The following RASEF variants were observed in gnomAD, a reference collection of about 807,000 sequenced individuals.
RASEF encodes the protein ras and EF-hand domain-containing protein.
A neutral mutation model predicts 90.1 loss-of-function variants in RASEF; 68 were observed. That is an observed-to-expected ratio of 0.75 (90% CI 0.62 to 0.92). The LOEUF is 0.92. Ranked by LOEUF, RASEF falls within the 40% of genes least tolerant of loss-of-function variation. RASEF has a pLI of 0.00. For missense variants in RASEF, 949 were observed against 937.2 expected (o/e 1.01, Z -0.16); for synonymous variants, 331 against 345.2 (o/e 0.96, Z 0.46).
At chr9:83,018,173 G>T (rs1402552687) in intron 3 of RASEF, among the ~76,000 whole-genome samples, 2 of 151,668 alleles carry the variant, frequency 1.3e-5, no homozygotes, top group Non-Finnish European at 2.9e-5. Context: ...ATTCAAATTG[G>T]AAAGAAAAAT....
At chr9:83,048,542 G>T in intron 1 of RASEF, 1 of 984,744 alleles carries the variant, frequency 1.0e-6, no homozygotes, top group African/African-American at 1.7e-5. Context: ...AAAAAAAAAA[G>T]TTTAAGTGAA....
the RASEF span, among the ~76,000 whole-genome samples, chr9:83,107,667 C>T: frequency 6.6e-6 from 1 of 152,182 alleles, no homozygotes; most frequent in African/African-American, 2.4e-5. Flanking sequence ...CAGTCCTGGA[C>T]ACTGTTACTG....
chr9:83,063,169 C>T (rs529812269), upstream of RASEF: 333 of 375,808 alleles, frequency 8.9e-4, 1 homozygote, highest in African/African-American at 6.4e-3. Flanking sequence ...AGGTGGCTCT[C>T]GCCACTTTCC....
the RASEF span, among the ~76,000 whole-genome samples, chr9:83,196,694 T>C: frequency 1.3e-5 from 2 of 152,210 alleles, no homozygotes; most frequent in Admixed American, 6.5e-5. Flanking sequence ...GCTATTTTAA[T>C]CTCTCCTTGT....
the RASEF span, among the ~76,000 whole-genome samples, chr9:83,175,823 G>A: frequency 2.0e-4 from 30 of 152,070 alleles, no homozygotes; most frequent in Admixed American, 1.4e-3. Context: ...CTTGTGATCC[G>A]CCTGCCTCAG....
chr9:83,121,007 T>C, the RASEF span, among the ~76,000 whole-genome samples: 2 of 152,226 alleles, frequency 1.3e-5, no homozygotes, highest in Non-Finnish European at 2.9e-5. Context: ...TAGTTAAAGA[T>C]GATGTTTGCA....
intron 10 of RASEF, 31 bp downstream of exon 10, chr9:83,000,865 G>A: frequency 6.5e-7 from 1 of 1,536,628 alleles, no homozygotes. Context: ...CACGTAGAAG[G>A]CCTAGGAGAG....
In RASEF at chr9:83,000,584, A is replaced by C; in HGVS notation, c.1438-14T>G. 1 of 1,580,122 alleles carries C rather than the reference A, an allele frequency of 6.3e-7. No homozygotes were observed. Among genetic ancestry groups the C allele is most frequent in the South Asian group, 1.2e-5 (1 of 86,600 alleles). ...TATGTCAGGAACCTATTTTTTTTAA[A>C]ATGTCAGCAGTTAAATTAAAAAATG... On this transcript the variant is annotated splice_polypyrimidine_tract_variant and intron_variant, in intron 10 of 16. Coordinates refer to ENST00000376447, the MANE Select transcript of RASEF (RefSeq NM_152573.4).
the RASEF span, among the ~76,000 whole-genome samples, chr9:83,176,004 T>C: frequency 2.6e-5 from 4 of 152,224 alleles, no homozygotes; most frequent in African/African-American, 9.6e-5. Flanking sequence ...GGCAGAATGT[T>C]CTATAGATGT....
chr9:83,210,438 A>G, the RASEF span, among the ~76,000 whole-genome samples: 1 of 152,218 alleles, frequency 6.6e-6, no homozygotes, highest in Non-Finnish European at 1.5e-5. Context: ...GACTTCTTCA[A>G]GGTCAGCCTG....
chr9:83,030,847 T>G (rs908154612), intron 1 of RASEF, among the ~76,000 whole-genome samples: 1 of 152,202 alleles, frequency 6.6e-6, no homozygotes, highest in Non-Finnish European at 1.5e-5. Context: ...TCTTTCTTTT[T>G]TCTTTCTTTC....
the RASEF span, among the ~76,000 whole-genome samples, chr9:83,102,798 G>A: frequency 6.6e-6 from 1 of 152,196 alleles, no homozygotes; most frequent in Admixed American, 6.5e-5. Context: ...CTGGGGTGAT[G>A]AGGACAGACG....
At chr9:83,026,088 AT>A (rs1276418332) in intron 1 of RASEF, among the ~76,000 whole-genome samples, 167 bp from the exon 2 acceptor site, 1 of 152,180 alleles carries the variant, frequency 6.6e-6, no homozygotes, top group Non-Finnish European at 1.5e-5. Flanking sequence ...ATATGGTTGG[AT>A]TTTTCCCCAC....
chr9:82,988,712 C>CCGTCA (rs1247652208), intron 16 of RASEF, among the ~76,000 whole-genome samples: 2 of 152,068 alleles, frequency 1.3e-5, no homozygotes, highest in Non-Finnish European at 2.9e-5. Context: ...CGCTGGCTCC[C>CCGTCA]CGTCACCTTC....
chr9:83,018,856 C>G (rs551721267), intron 3 of RASEF, among the ~76,000 whole-genome samples: 1 of 152,070 alleles, frequency 6.6e-6, no homozygotes, highest in Non-Finnish European at 1.5e-5. Flanking sequence ...CAGAAATAAA[C>G]CTACACAAAT....
chr9:83,013,597 T>C (rs1430271059), intron 4 of RASEF, among the ~76,000 whole-genome samples: 3 of 152,206 alleles, frequency 2.0e-5, no homozygotes, highest in Non-Finnish European at 2.9e-5. Context: ...TCTTGCTGTT[T>C]TGCATAACAA....
chr9:83,000,186 T>G lies in RASEF; in HGVS notation c.1706A>C (p.Asn569Thr). 1 of 1,613,842 alleles carries G rather than the reference T, an allele frequency of 6.2e-7. No individual in the cohort carries two copies. The highest frequency in any genetic ancestry group is 8.5e-7 in the Non-Finnish European group (1 of 1,179,954). Residue 569 changes from asparagine (N) to threonine (T), a missense_variant, in exon 12 of 17, where the codon AAT becomes ACT. Around this residue, in one of 3 missense-constraint regions of RASEF, gnomAD observed 288 missense variants for 328.4 expected, o/e 0.88. Coordinates refer to ENST00000376447, the MANE Select transcript of RASEF (RefSeq NM_152573.4). ...MRLCKNEFRENISATLGVDFQ... is the reference protein window; with the variant it reads ...MRLCKNEFRETISATLGVDFQ... ...AGCCATACCCAGGGTGGCGCTTATA[T>G]TTTCTCGAAATTCATTCTTGCAAAG...
intron 1 of RASEF, among the ~76,000 whole-genome samples, chr9:83,059,124 TA>T (rs1283901917): frequency 5.0e-4 from 76 of 151,236 alleles, no homozygotes; most frequent in African/African-American, 1.8e-3. Flanking sequence ...TTTTCTAAGT[TA>T]ATTTATCAGC....
chr9:83,210,372 T>G, the RASEF span, among the ~76,000 whole-genome samples: 10 of 152,334 alleles, frequency 6.6e-5, no homozygotes, highest in African/African-American at 2.4e-4. Flanking sequence ...TTTGAAATCT[T>G]CTGTACAATA....
Sources: allele counts gnomAD v4.1 joint callset (sites outside exome capture counted in the v4.1 genomes callset), GRCh38; gene constraint gnomAD v4.1.1; regional missense constraint gnomAD v4.1.1; transcripts MANE v1.5; gene names NCBI Gene and HGNC (gene_info 2026-07-23, HGNC 2026-07-21).